LUZP2: variants seen among roughly 807,000 people sequenced by gnomAD.
LUZP2 encodes leucine zipper protein 2.
In LUZP2, 52 loss-of-function variants were observed where a neutral mutation model predicts 51.6. That is an observed-to-expected ratio of 1.01 (90% CI 0.81 to 1.27). The LOEUF (loss-of-function observed/expected upper bound fraction) is 1.27, where lower values mean the gene tolerates loss of function less well. Among genes scored for constraint, LUZP2 ranks in the 50% most tolerant of loss-of-function variants. The probability of loss-of-function intolerance (pLI) is 0.00; values close to 1 mark genes in which losing one functional copy is unlikely to be tolerated. For synonymous variants in LUZP2, 154 were observed against 137.3 expected (o/e 1.12, Z -0.85); for missense variants, 436 against 395.4 (o/e 1.10, Z -0.87).
chr11:25,002,088 T>G (rs945883367), intron 9 of LUZP2, among the ~76,000 whole-genome samples: 9 of 152,234 alleles, frequency 5.9e-5, no homozygotes, highest in African/African-American at 2.2e-4. Context: ...GCATGAAGGA[T>G]TAGATAAGCA....
At chr11:24,897,544 C>T (rs546457227) in intron 5 of LUZP2, among the ~76,000 whole-genome samples, 3 of 152,104 alleles carry the variant, frequency 2.0e-5, no homozygotes, top group African/African-American at 7.2e-5. Context: ...ACACTCACCG[C>T]GAAGGTCTGC....
At chr11:25,033,602 T>C (rs181987336) in intron 9 of LUZP2, among the ~76,000 whole-genome samples, 34 of 152,188 alleles carry the variant, frequency 2.2e-4, no homozygotes. Context: ...GTATCCACAG[T>C]GTCTATAACT....
intron 2 of LUZP2, among the ~76,000 whole-genome samples, chr11:24,729,841 T>C (rs1858648776): frequency 6.6e-6 from 1 of 151,926 alleles, no homozygotes; most frequent in South Asian, 2.1e-4. Flanking sequence ...TCCTGTATGC[T>C]AAAAGCTTTG....
chr11:24,542,224 T>C (rs2133720228), intron 1 of LUZP2, among the ~76,000 whole-genome samples: 1 of 152,168 alleles, frequency 6.6e-6, no homozygotes, highest in East Asian at 1.9e-4. Flanking sequence ...ACAGTATTAC[T>C]ATCCTCACCC....
At chr11:24,997,704 T>C (rs1856550957) in intron 9 of LUZP2, among the ~76,000 whole-genome samples, 1 of 152,138 alleles carries the variant, frequency 6.6e-6, no homozygotes, top group African/African-American at 2.4e-5. Context: ...CATGCCTATG[T>C]CCTGAATGGT....
At chr11:24,513,455 A>G (rs1236181986) in intron 1 of LUZP2, among the ~76,000 whole-genome samples, 1 of 152,206 alleles carries the variant, frequency 6.6e-6, no homozygotes, top group Non-Finnish European at 1.5e-5. Flanking sequence ...GATAATGACT[A>G]TGTCTTAAAC....
At position 24,906,044 on chromosome 11, in the gene LUZP2, C is replaced by T. The variant is rs367630511; in HGVS notation, c.450C>T (p.His150=). The change falls in exon 6 of 12, where the codon CAC becomes CAT. Residue 150 remains histidine (H), a synonymous_variant. Coordinates refer to ENST00000336930, the MANE Select transcript of LUZP2 (RefSeq NM_001009909.4). ...LLSGNKLCGI[H]AEESKKIQAQ... The stretch of plus-strand genomic sequence containing the variant: ...CAGGAAACAAGCTCTGTGGCATTCA[C>T]GCAGAAGAGGTGAGTAAATTTTTGC... 26 of 1,612,220 alleles carry T rather than the reference C, an allele frequency of 1.6e-5. 1 individual carries two copies. Among genetic ancestry groups the T allele is most frequent in the South Asian group, 5.5e-5 (5 of 90,936 alleles).
intron 5 of LUZP2, among the ~76,000 whole-genome samples, chr11:24,850,191 C>G (rs143967049): frequency 1.3e-5 from 2 of 152,268 alleles, no homozygotes; most frequent in Non-Finnish European, 2.9e-5. Flanking sequence ...TTCATGAAGT[C>G]ATTGCCCATG....
At chr11:24,861,884 G>A (rs1851753321) in intron 5 of LUZP2, among the ~76,000 whole-genome samples, 1 of 152,128 alleles carries the variant, frequency 6.6e-6, no homozygotes, top group Non-Finnish European at 1.5e-5. Flanking sequence ...TCAAAGGTCA[G>A]CTTCTGGTCA....
At chr11:24,890,198 C>A (rs180871817) in intron 5 of LUZP2, among the ~76,000 whole-genome samples, 2 of 152,114 alleles carry the variant, frequency 1.3e-5, no homozygotes, top group South Asian at 4.1e-4. Context: ...TGTAACCAAG[C>A]ATATACTCAG....
intron 5 of LUZP2, among the ~76,000 whole-genome samples, chr11:24,904,426 G>A (rs947375535): frequency 6.6e-6 from 1 of 151,906 alleles, no homozygotes; most frequent in Admixed American, 6.6e-5. Flanking sequence ...GGGACTGCAG[G>A]CACCCACCAC....
intron 5 of LUZP2, among the ~76,000 whole-genome samples, chr11:24,827,914 A>G (rs1225239198): frequency 6.6e-6 from 1 of 152,104 alleles, no homozygotes; most frequent in Non-Finnish European, 1.5e-5. Flanking sequence ...ACTCTAGACA[A>G]CAGAAAATTT....
chr11:24,588,576 T>C (rs994966053), intron 1 of LUZP2, among the ~76,000 whole-genome samples: 6 of 152,024 alleles, frequency 3.9e-5, no homozygotes, highest in African/African-American at 1.4e-4. Context: ...ATTCAGCCTA[T>C]TACCCATCTC....
chr11:24,854,878 G>C (rs1040953694), intron 5 of LUZP2, among the ~76,000 whole-genome samples: 5 of 152,120 alleles, frequency 3.3e-5, no homozygotes, highest in Non-Finnish European at 7.3e-5. Flanking sequence ...CCTTGGCTAG[G>C]GGTGGGAATT....
At chr11:24,995,265 C>T (rs942913571) in intron 9 of LUZP2, among the ~76,000 whole-genome samples, 7 of 151,956 alleles carry the variant, frequency 4.6e-5, no homozygotes, top group Admixed American at 1.3e-4. Flanking sequence ...TGGTGGTACA[C>T]GCCTGTAGTC....
At chr11:25,024,815 C>T (rs1465985706) in intron 9 of LUZP2, among the ~76,000 whole-genome samples, 7 of 147,534 alleles carry the variant, frequency 4.7e-5, no homozygotes, top group Non-Finnish European at 8.9e-5. Context: ...CATATGGAAC[C>T]AAAAAAGAGC....
At chr11:25,026,285 G>A (rs938238857) in intron 9 of LUZP2, among the ~76,000 whole-genome samples, 1 of 151,888 alleles carries the variant, frequency 6.6e-6, no homozygotes, top group Non-Finnish European at 1.5e-5. Context: ...AGACCTTAAA[G>A]TATAATAAAA....
At chr11:24,880,615 G>T (rs144511435) in intron 5 of LUZP2, among the ~76,000 whole-genome samples, 1 of 152,080 alleles carries the variant, frequency 6.6e-6, no homozygotes, top group Non-Finnish European at 1.5e-5. Flanking sequence ...CTGGCTTACA[G>T]GAAGAAAGTC....
chr11:25,064,470 T>A (rs1858939347), intron 10 of LUZP2, among the ~76,000 whole-genome samples: 1 of 152,060 alleles, frequency 6.6e-6, no homozygotes, highest in Non-Finnish European at 1.5e-5. Context: ...TATTCAAATT[T>A]TCAGCAACTT....
Sources: gnomAD v4.1 joint callset for allele counts (sites outside exome capture counted in the v4.1 genomes callset) on GRCh38, gnomAD v4.1.1 for gene constraint, MANE v1.5 for transcripts, NCBI Gene and HGNC (gene_info 2026-07-23, HGNC 2026-07-21) for gene names.